The following METTL22 variants were observed in gnomAD, a reference collection of about 807,000 sequenced individuals.
METTL22 encodes methyltransferase-like protein 22.
METTL22 carries 51 observed loss-of-function variants against 48.4 expected under a neutral mutation model. The observed-to-expected ratio is 1.05, with a 90% CI of 0.84 to 1.33. METTL22 has a LOEUF of 1.33. METTL22 is among the 40% of genes most tolerant of loss of function. The pLI is 0.00. For synonymous variants in METTL22, 255 were observed against 214.1 expected (o/e 1.19, Z -1.67); for missense variants, 678 against 526.9 (o/e 1.29, Z -2.81).
In METTL22 at chr16:8,635,295, G is replaced by A. The variant is rs753077585; in HGVS notation, c.683G>A (p.Arg228Gln). The change falls in exon 5 of 11, where the codon CGG becomes CAG. Residue 228 changes from arginine (R) to glutamine (Q), a missense_variant. By Grantham distance (43) the Arg-to-Gln change is conservative. Coordinates refer to ENST00000381920, the MANE Select transcript of METTL22 (RefSeq NM_024109.4). ...LASIIAATMA[R>Q]TVYCTDVGAD... ...AGCATCATCGCAGCCACCATGGCAC[G>A]GACCGTTTATTGTACAGGTAATGAG... 19 of 1,584,424 alleles carry A rather than the reference G, an allele frequency of 1.2e-5. No individual in the cohort carries two copies. The highest frequency in any genetic ancestry group is 1.7e-4 in the Middle Eastern group (1 of 5,944).
chr16:8,646,008 T>A, intron 10 of METTL22, 100 bp from the exon 11 acceptor site: 8 of 1,559,956 alleles, frequency 5.1e-6, no homozygotes, highest in South Asian at 1.2e-5. Flanking sequence ...GGCTGACGTG[T>A]TGTCTAACTA....
chr16:8,626,173 T>G (rs2056043771), intron 2 of METTL22, among the ~76,000 whole-genome samples: 1 of 152,124 alleles, frequency 6.6e-6, no homozygotes, highest in Admixed American at 6.5e-5. Context: ...GTTTTTATTT[T>G]GTAGAGCTGG....
the METTL22 span, among the ~76,000 whole-genome samples, chr16:8,661,034 T>C: frequency 6.6e-6 from 1 of 152,174 alleles, no homozygotes; most frequent in African/African-American, 2.4e-5. Flanking sequence ...CCAAAGGGTC[T>C]GGATGTCATG....
chr16:8,641,440 T>C (rs1290883054), intron 7 of METTL22: 1 of 598,824 alleles, frequency 1.7e-6, no homozygotes, highest in Non-Finnish European at 3.1e-6. Context: ...TGATAATCCC[T>C]GAATTGTGAG....
rs2056796336 is a variant in METTL22 at position 8,646,186 on chromosome 16, G to C, written c.*43G>C. On this transcript the variant is annotated 3_prime_UTR_variant, in exon 11 of 11. Transcript: ENST00000381920. ...GCGCGGCGTCTCGACTGTTCTTAGAGTGTATTTCTAGTAAAATCAGAAGCT... is the reference window on the plus strand; with the variant it reads ...GCGCGGCGTCTCGACTGTTCTTAGACTGTATTTCTAGTAAAATCAGAAGCT... 6.2e-7 allele frequency: 1 copy of C among 1,609,978 alleles called. No individual in the cohort carries two copies. The highest frequency in any genetic ancestry group is 1.1e-5 in the South Asian group (1 of 90,900).
intron 7 of METTL22, chr16:8,641,415 CCCTG>C (rs1447577295): frequency 3.2e-6 from 2 of 633,642 alleles, no homozygotes; most frequent in East Asian, 3.2e-5. Context: ...GTTGTGGTTT[CCCTG>C]TGTGGTAGCA....
chr16:8,626,349 T>C (rs1346369044), intron 2 of METTL22, among the ~76,000 whole-genome samples: 1 of 152,114 alleles, frequency 6.6e-6, no homozygotes, highest in African/African-American at 2.4e-5. Context: ...CAGGACTTGA[T>C]GCTGGGAATG....
intron 2 of METTL22, among the ~76,000 whole-genome samples, chr16:8,626,364 T>C (rs951778347): frequency 2.0e-5 from 3 of 151,974 alleles, no homozygotes; most frequent in African/African-American, 7.3e-5. Flanking sequence ...GGAATGCAGA[T>C]ACGAATGAGC....
intron 3 of METTL22, chr16:8,632,175 G>C (rs1001540290): frequency 1.3e-5 from 2 of 152,152 alleles, no homozygotes; most frequent in African/African-American, 2.4e-5. Flanking sequence ...ATTCATTCTG[G>C]CTTTTTCCAT....
In METTL22 at chr16:8,625,786, G is replaced by C. The variant is rs201567426; in HGVS notation, c.121G>C (p.Val41Leu). The stretch of plus-strand genomic sequence containing the variant: ...ACATCTCATGGTACGGCTGAACAGC[G>C]TGGGGCAGCCAGGTAAGGTCCTGGG... ...HRHLMVRLNS[V>L]GQPVFLSQFK... The change falls in exon 2 of 11, where the codon GTG becomes CTG. Residue 41 changes from valine to leucine, a missense_variant. Val to Leu is a conservative substitution (Grantham distance 32). Transcript: ENST00000381920. 1.9e-6 allele frequency: 3 copies of C among 1,614,170 alleles called. No individual in the cohort carries two copies. In the Admixed American group the frequency reaches 5.0e-5, roughly 27 times the overall value.
chr16:8,662,608 A>G, the METTL22 span, among the ~76,000 whole-genome samples: 3 of 144,198 alleles, frequency 2.1e-5, 1 homozygote, highest in Non-Finnish European at 3.0e-5. Flanking sequence ...TGGAGTTTCC[A>G]GCTTCAGAGC....
chr16:8,664,564 C>T, the METTL22 span, among the ~76,000 whole-genome samples: 1 of 152,104 alleles, frequency 6.6e-6, no homozygotes, highest in African/African-American at 2.4e-5. Flanking sequence ...AGCAGTGCTC[C>T]CACCTTGGCC....
At chr16:8,641,829 G>A (rs895448407) in intron 7 of METTL22, 57 of 520,716 alleles carry the variant, frequency 1.1e-4, no homozygotes, top group Admixed American at 1.1e-3. Flanking sequence ...CAGGCAGAAG[G>A]GGGAGATCAT....
chr16:8,644,344 C>T, intron 9 of METTL22: 1 of 447,582 alleles, frequency 2.2e-6, no homozygotes, highest in African/African-American at 2.0e-5. Flanking sequence ...CCTGTTTCCA[C>T]ATCTGTAAAG....
At chr16:8,656,321 G>A in the METTL22 span, among the ~76,000 whole-genome samples, 1 of 152,150 alleles carries the variant, frequency 6.6e-6, no homozygotes, top group East Asian at 1.9e-4. Flanking sequence ...CACTTCCAGG[G>A]ATTAGTCCTT....
At chr16:8,651,386 C>CAAAAAAAAA (rs768911703), downstream of METTL22, among the ~76,000 whole-genome samples, 1,084 of 49,058 alleles carry the variant, frequency 0.022, 284 homozygotes, top group South Asian at 0.045. Context: ...GACTCTGTCT[C>CAAAAAAAAA]AAAAAAAAAA....
intron 2 of METTL22, 48 bp downstream of exon 2, chr16:8,625,846 C>A (rs1464777761): frequency 1.2e-6 from 2 of 1,603,120 alleles, no homozygotes; most frequent in African/African-American, 1.3e-5. Flanking sequence ...TTGTTTTCTG[C>A]TTTCTCATAC....
the METTL22 span, among the ~76,000 whole-genome samples, chr16:8,657,719 G>A: frequency 2.0e-5 from 3 of 152,296 alleles, no homozygotes; most frequent in South Asian, 4.1e-4. Context: ...TGAGAAAGGG[G>A]TCTTTGCAGA....
chr16:8,642,571 C>G lies in METTL22; in HGVS notation c.1010+6C>G, dbSNP rs777696209. 6.2e-7 allele frequency: 1 copy of G among 1,613,668 alleles called. No homozygotes were observed. Among genetic ancestry groups the G allele is most frequent in the Non-Finnish European group, 8.5e-7 (1 of 1,179,584 alleles). On this transcript the variant is annotated splice_donor_region_variant and intron_variant, in intron 9 of 10. Transcript: ENST00000381920. ...ATACTGTCGGTGGAGAAGAGGTGAG[C>G]TTTGCGCCACGGGAACCGTGCTGAC...
Sources: gnomAD v4.1 joint callset for allele counts (sites outside exome capture counted in the v4.1 genomes callset) on GRCh38, gnomAD v4.1.1 for gene constraint, MANE v1.5 for transcripts, NCBI Gene and HGNC (gene_info 2026-07-23, HGNC 2026-07-21) for gene names.